Variants in TUBGCP5 observed in about 807,000 individuals in gnomAD.
TUBGCP5 encodes the protein tubulin gamma complex component 5.
TUBGCP5 carries 98 observed loss-of-function variants against 134.7 expected under a neutral mutation model. The ratio of observed to expected loss-of-function variants is 0.73; its 90% CI spans 0.62 to 0.86. The LOEUF (loss-of-function observed/expected upper bound fraction) is 0.86. Among genes scored for constraint, TUBGCP5 ranks in the 40% least tolerant of loss-of-function variants. The pLI is 0.00. For synonymous variants in TUBGCP5, 456 were observed against 431.4 expected, an observed-to-expected ratio of 1.06 and a Z score of -0.71; for missense variants, 1,150 against 1,244.8, an observed-to-expected ratio of 0.92 and a Z score of 1.15.
intron 3 of TUBGCP5, among the ~76,000 whole-genome samples, chr15:23,036,153 G>A (rs1397886526): frequency 6.6e-6 from 1 of 152,178 alleles, no homozygotes; most frequent in African/African-American, 2.4e-5. Context: ...TTGACCTCTA[G>A]GGGGCTACAG....
chr15:23,023,794 T>TA (rs1320699321), intron 10 of TUBGCP5, 153 bp downstream of exon 10: 6 of 727,814 alleles, frequency 8.2e-6, no homozygotes, highest in Non-Finnish European at 1.2e-5. Flanking sequence ...ATGAATGGCT[T>TA]AAAAATATAA....
rs1020596219 is a variant in TUBGCP5, at chr15:23,013,106, G to A, written c.1757-1775C>T. On this transcript the variant is annotated intron_variant, in intron 13 of 22. Transcript: ENST00000615383. The surrounding 1 kb of genome is among the most constrained non-coding windows in gnomAD (Gnocchi z 4.5). ...GCAAGGTGGCTGCCTGGAGACGTCT[G>A]GTGTTCCTCTCCCAACAGCAAGAGA... Among the ~76,000 whole-genome samples the A allele has an allele frequency of 6.6e-6, 1 of 151,600 alleles. No homozygotes were observed. The highest frequency in any genetic ancestry group is 1.5e-5 in the Non-Finnish European group (1 of 67,916).
At chr15:23,000,196 C>T (rs772750861) in intron 22 of TUBGCP5, 85 of 1,051,924 alleles carry the variant, frequency 8.1e-5, no homozygotes, top group Non-Finnish European at 9.7e-5. Flanking sequence ...CATGAGCCAC[C>T]GCGCCAGGCC....
downstream of TUBGCP5, among the ~76,000 whole-genome samples, chr15:22,994,361 A>G (rs1038649993): frequency 6.6e-6 from 1 of 152,186 alleles, no homozygotes; most frequent in African/African-American, 2.4e-5. Flanking sequence ...AAATGCTGGG[A>G]TTACAGGCGT....
intron 18 of TUBGCP5, 102 bp from the exon 19 acceptor site, chr15:23,005,712 C>G: frequency 2.4e-6 from 3 of 1,272,512 alleles, no homozygotes; most frequent in Non-Finnish European, 3.3e-6. Context: ...GGTCCTGGCA[C>G]CACAGAAAGC....
chr15:23,020,425 A>T (rs2065606093), intron 11 of TUBGCP5, among the ~76,000 whole-genome samples: 1 of 151,528 alleles, frequency 6.6e-6, no homozygotes. Flanking sequence ...AACAAAAAAA[A>T]ACCCCAAAAA....
intron 15 of TUBGCP5, among the ~76,000 whole-genome samples, 197 bp from the exon 16 acceptor site, chr15:23,009,078 G>A (rs1595843517): frequency 6.6e-6 from 1 of 151,856 alleles, no homozygotes; most frequent in Non-Finnish European, 1.5e-5. Context: ...TCATCAGAAA[G>A]GTTATCTTCT....
intron 3 of TUBGCP5, among the ~76,000 whole-genome samples, chr15:23,033,446 C>A (rs1223502944): frequency 3.3e-5 from 5 of 151,900 alleles, no homozygotes; most frequent in African/African-American, 1.2e-4. Flanking sequence ...GCCCGGGTAA[C>A]TTTTGTATTT....
chr15:23,025,560 C>T (rs1377499443), intron 8 of TUBGCP5, among the ~76,000 whole-genome samples: 1 of 152,110 alleles, frequency 6.6e-6, no homozygotes, highest in African/African-American at 2.4e-5. Flanking sequence ...GCTACCGGCG[C>T]GGTGGCTCAC....
In TUBGCP5 at chr15:23,019,347, G is replaced by T; in HGVS notation, c.1372-13C>A. On this transcript the variant is annotated splice_polypyrimidine_tract_variant and intron_variant, in intron 11 of 22. Coordinates refer to ENST00000615383, the MANE Select transcript of TUBGCP5 (RefSeq NM_052903.6). ...AAAGGAGGGAGACCTGAGGCAGAGA[G>T]TGTGCACGGTCAGCTCTCAGGGTTC... 1 of 1,581,158 alleles carries T rather than the reference G, an allele frequency of 6.3e-7. No homozygotes were observed. The highest frequency in any genetic ancestry group is 8.7e-7 in the Non-Finnish European group (1 of 1,151,548).
chr15:23,005,314 A>C (rs1567106395), intron 19 of TUBGCP5, 118 bp downstream of exon 19: 2 of 1,174,720 alleles, frequency 1.7e-6, no homozygotes, highest in East Asian at 2.4e-5. Context: ...AATTTGCTAC[A>C]TGTCCCGTTT....
At chr15:23,008,978 C>A in intron 15 of TUBGCP5, 97 bp from the exon 16 acceptor site, 2 of 949,100 alleles carry the variant, frequency 2.1e-6, no homozygotes, top group East Asian at 2.7e-5. Context: ...TTTAGTGGAA[C>A]AAGTTTACAT....
At chr15:23,037,211 T>A in intron 1 of TUBGCP5, 59 bp from the exon 2 acceptor site, 1 of 1,514,674 alleles carries the variant, frequency 6.6e-7, no homozygotes, top group South Asian at 1.1e-5. Flanking sequence ...AGTGAACTCA[T>A]CTCATGGCCC....
intron 20 of TUBGCP5, among the ~76,000 whole-genome samples, chr15:23,003,773 C>A (rs1350044738): frequency 6.6e-6 from 1 of 151,902 alleles, no homozygotes; most frequent in African/African-American, 2.4e-5. Flanking sequence ...CCACCTCAGC[C>A]TCCCAAGTAG....
chr15:23,031,058 T>C, intron 5 of TUBGCP5, 38 bp from the exon 6 acceptor site: 2 of 1,560,118 alleles, frequency 1.3e-6, no homozygotes, highest in Non-Finnish European at 8.6e-7. Context: ...CTTTACAGAG[T>C]ATAACACTTA....
rs149385517 is a variant in TUBGCP5 at position 23,006,113 on chromosome 15, C to T, written c.2472G>A (p.Val824=). The T allele has an allele frequency of 7.4e-6, 12 of 1,612,106 alleles. No homozygotes were observed. In the African/African-American group the frequency reaches 1.3e-4, roughly 18 times the overall value. The change falls in exon 18 of 23, where the codon GTG becomes GTA. Residue 824 remains valine, a synonymous_variant. Coordinates refer to ENST00000615383, the MANE Select transcript of TUBGCP5 (RefSeq NM_052903.6). ...ACTTTATTTGCAATAAGAGAAGAAA[C>T]ACTTGATTATAAATTTTTTGACATT... ...SLECQKIYNQ[V]FLLLLQIKWA...
At chr15:23,012,035 T>G (rs1268727005) in intron 13 of TUBGCP5, among the ~76,000 whole-genome samples, 2 of 148,182 alleles carry the variant, frequency 1.3e-5, no homozygotes, top group African/African-American at 2.5e-5. Context: ...GCGTGAGCAC[T>G]GGCAGGTGAA....
chr15:22,994,853 G>A (rs1326533491), downstream of TUBGCP5, among the ~76,000 whole-genome samples: 3 of 152,138 alleles, frequency 2.0e-5, no homozygotes, highest in African/African-American at 7.2e-5. Flanking sequence ...GGTGGCTCAC[G>A]CCTGTAATCC....
chr15:23,032,893 G>A, intron 3 of TUBGCP5, 69 bp from the exon 4 acceptor site: 1 of 1,185,242 alleles, frequency 8.4e-7, no homozygotes, highest in Non-Finnish European at 1.2e-6. Flanking sequence ...ATTGAGTAAA[G>A]ATAACTCCAT....
Sources: allele counts gnomAD v4.1 joint callset (sites outside exome capture counted in the v4.1 genomes callset), GRCh38; gene constraint gnomAD v4.1.1; non-coding constraint Gnocchi (gnomAD v3.1); transcripts MANE v1.5; gene names NCBI Gene and HGNC (gene_info 2026-07-23, HGNC 2026-07-21).